Variants in TPST2 observed in about 807,000 individuals in gnomAD.
TPST2 encodes tyrosylprotein sulfotransferase 2.
A neutral mutation model predicts 27.8 loss-of-function variants in TPST2; 16 were observed. The observed-to-expected ratio is 0.58, with a 90% CI of 0.39 to 0.88. The LOEUF is 0.88. TPST2 is among the 40% of genes least tolerant of loss of function. The pLI is 0.00. For synonymous variants in TPST2, 229 were observed against 231.7 expected, an observed-to-expected ratio of 0.99 and a Z score of 0.10; for missense variants, 464 against 543.1, an observed-to-expected ratio of 0.85 and a Z score of 1.45.
chr22:26,565,545 G>A (rs1220671628), intron 1 of TPST2: 1 of 152,250 alleles, frequency 6.6e-6, no homozygotes, highest in Admixed American at 6.5e-5. Flanking sequence ...CCTGTGGCCA[G>A]ACTTGCCCTG....
At position 26,562,686 on chromosome 22, in the gene TPST2, C is replaced by T. The variant is rs1406748735; in HGVS notation, c.-160-18011G>A. ...TCACCCAGGCTGGAGTGCAATGGAG[C>T]GATCTCAGCTCACTGCAACCTCCGC... On this transcript the variant is annotated intron_variant, in intron 1 of 6. Coordinates refer to ENST00000338754, the MANE Select transcript of TPST2 (RefSeq NM_003595.5). Among the ~76,000 whole-genome samples the T allele has an allele frequency of 3.3e-5, 5 of 150,846 alleles. 1 individual carries two copies. Among genetic ancestry groups the T allele is most frequent in the East Asian group, 2.0e-4 (1 of 5,128 alleles).
chr22:26,564,470 G>A (rs1277904599), intron 1 of TPST2, among the ~76,000 whole-genome samples: 1 of 152,182 alleles, frequency 6.6e-6, no homozygotes, highest in Non-Finnish European at 1.5e-5. Context: ...AACAGGTAAC[G>A]CCGGAGGGCC....
intron 1 of TPST2, among the ~76,000 whole-genome samples, chr22:26,562,925 T>C (rs1431778886): frequency 6.6e-6 from 1 of 152,092 alleles, no homozygotes; most frequent in African/African-American, 2.4e-5. Flanking sequence ...CAGGGAACCA[T>C]CGGTAATGTC....
Position 26,541,108 on chromosome 22 carries a change from T to C in TPST2, c.523A>G (p.Asn175Asp). 1 of 1,607,196 alleles carries C rather than the reference T, an allele frequency of 6.2e-7. No individual in the cohort carries two copies. Residue 175 changes from asparagine (N) to aspartate (D), a missense_variant, in exon 3 of 7, where the codon AAC (asparagine) becomes GAC (aspartate). By Grantham distance (23) the Asn-to-Asp change is conservative. Coordinates refer to ENST00000338754, the MANE Select transcript of TPST2 (RefSeq NM_003595.5). This position sits in a 1 kb window ranked among gnomAD's most constrained non-coding sequence, Gnocchi z 5.9. ...CGCACCATCAGCAGGAACTTGGAGTTGGGGAACAGGCGCGACAGGTAGACC... is the reference window on the plus strand; with the variant it reads ...CGCACCATCAGCAGGAACTTGGAGTCGGGGAACAGGCGCGACAGGTAGACC... ...SSVYLSRLFP[N>D]SKFLLMVRDG...
chr22:26,554,798 C>T (rs924231362), intron 1 of TPST2, among the ~76,000 whole-genome samples: 7 of 152,148 alleles, frequency 4.6e-5, no homozygotes, highest in Admixed American at 2.6e-4. Flanking sequence ...ATTAGCCAGG[C>T]GTGGTGGTGA....
intron 1 of TPST2, chr22:26,560,377 A>G (rs901610046): frequency 8.6e-6 from 5 of 578,232 alleles, no homozygotes; most frequent in African/African-American, 7.5e-5. Context: ...AATGAGAATC[A>G]TATTGCAGCA....
At chr22:26,563,240 C>T (rs1289236067) in intron 1 of TPST2, among the ~76,000 whole-genome samples, 7 of 152,158 alleles carry the variant, frequency 4.6e-5, no homozygotes, top group Non-Finnish European at 2.9e-5. Flanking sequence ...CAAGACAAAG[C>T]CCCAGCCTCC....
At position 26,541,440 on chromosome 22, in the gene TPST2, T is replaced by C. The variant is rs1253887952; in HGVS notation, c.191A>G (p.Tyr64Cys). ...MVGTNHVEYR[Y>C]GKAMPLIFVG... ...GAAGATGAGCGGCATGGCCTTGCCA[T>C]AGCGGTATTCCACGTGGTTGGTGCC... Residue 64 changes from tyrosine (Y) to cysteine (C), a missense_variant, in exon 3 of 7, where the codon TAT (tyrosine) becomes TGT (cysteine). Tyr to Cys is a radical substitution (Grantham distance 194, BLOSUM62 -2). Transcript: ENST00000338754. This position sits in a 1 kb window ranked among gnomAD's most constrained non-coding sequence, Gnocchi z 5.9. The C allele has an allele frequency of 1.9e-6, 3 of 1,599,630 alleles. No homozygotes were observed. The highest frequency in any genetic ancestry group is 2.6e-6 in the Non-Finnish European group (3 of 1,172,934).
intron 1 of TPST2, among the ~76,000 whole-genome samples, chr22:26,581,440 T>C (rs1928109789): frequency 6.6e-6 from 1 of 152,070 alleles, no homozygotes; most frequent in Admixed American, 6.5e-5. Flanking sequence ...GAAGGATGGA[T>C]TGAGAAAGAA....
intron 1 of TPST2, among the ~76,000 whole-genome samples, chr22:26,547,111 G>T (rs770704241): frequency 5.3e-5 from 8 of 151,982 alleles, no homozygotes; most frequent in Non-Finnish European, 8.8e-5. Flanking sequence ...GTTGAGATGG[G>T]GTCTCACTCT....
intron 1 of TPST2, among the ~76,000 whole-genome samples, chr22:26,557,042 T>A (rs1004128836): frequency 6.6e-6 from 1 of 152,232 alleles, no homozygotes; most frequent in African/African-American, 2.4e-5. Flanking sequence ...GCTATCAACA[T>A]AGCAAGCCCC....
chr22:26,539,875 C>T (rs1357022345), intron 3 of TPST2, among the ~76,000 whole-genome samples: 2 of 152,226 alleles, frequency 1.3e-5, no homozygotes, highest in Non-Finnish European at 2.9e-5. Context: ...AACTTCTCCT[C>T]TGTGAGATTC....
chr22:26,565,405 C>T lies in TPST2; in HGVS notation c.-160-20730G>A, dbSNP rs1459377830. On this transcript the variant is annotated intron_variant, in intron 1 of 6. Transcript: ENST00000338754. Reference sequence around the variant, plus strand: ...CAGCCTTGCGATGGGCCTGCCTCTCCTAAAGGCTCCTCCCTCTTCTGGATC... The same window carrying T: ...CAGCCTTGCGATGGGCCTGCCTCTCTTAAAGGCTCCTCCCTCTTCTGGATC... 6 of 152,458 alleles carry T rather than the reference C, an allele frequency of 3.9e-5. No homozygotes were observed. In the East Asian group the frequency reaches 7.7e-4, roughly 20 times the overall value. The allele number at this position is 152,458 out of a possible 1,614,324, so 9.4% of individuals were successfully genotyped here. A position where few individuals can be genotyped will look rare whatever the true frequency, so the allele number is the denominator to read the frequency against.
intron 1 of TPST2, among the ~76,000 whole-genome samples, chr22:26,573,723 C>T (rs1927722428): frequency 6.6e-6 from 1 of 152,072 alleles, no homozygotes; most frequent in East Asian, 1.9e-4. Context: ...AGCATGAGGC[C>T]TTCGTCCTGG....
At chr22:26,556,731 C>T (rs905053123) in intron 1 of TPST2, among the ~76,000 whole-genome samples, 9 of 152,152 alleles carry the variant, frequency 5.9e-5, no homozygotes, top group African/African-American at 1.4e-4. Flanking sequence ...CATCTGGCTC[C>T]GTTATGGACA....
Position 26,541,078 on chromosome 22 carries a change from CGTCCCGCACCATCAGCAG to C in TPST2, c.535_552del (p.Leu179_Asp184del). On this transcript the variant is annotated inframe_deletion, in exon 3 of 7. Coordinates refer to ENST00000338754, the MANE Select transcript of TPST2 (RefSeq NM_003595.5). This position sits in a 1 kb window ranked among gnomAD's most constrained non-coding sequence, Gnocchi z 5.9. ...ATCATGGAGTGCACGGAGGCCCGGC[CGTCCCGCACCATCAGCAG>C]GAACTTGGAGTTGGGGAACAGGCGC... is the stretch of plus-strand genomic sequence containing the variant. 6.2e-7 allele frequency: 1 copy of C among 1,608,592 alleles called. No individual in the cohort carries two copies. Among genetic ancestry groups the C allele is most frequent in the Non-Finnish European group, 8.5e-7 (1 of 1,175,878 alleles).
At chr22:26,532,037 G>A (rs979724312) in intron 5 of TPST2, among the ~76,000 whole-genome samples, 8 of 152,196 alleles carry the variant, frequency 5.3e-5, no homozygotes, top group Non-Finnish European at 1.0e-4. Flanking sequence ...GAGGGGCTGA[G>A]GTGAGAGGAT....
At chr22:26,579,346 A>T (rs1473368346) in intron 1 of TPST2, among the ~76,000 whole-genome samples, 1 of 152,154 alleles carries the variant, frequency 6.6e-6, no homozygotes, top group African/African-American at 2.4e-5. Flanking sequence ...CAGTACCCCA[A>T]ACCAAATCAA....
chr22:26,528,089 G>A (rs1924938029), intron 6 of TPST2, 125 bp downstream of exon 6: 1 of 1,124,694 alleles, frequency 8.9e-7, no homozygotes, highest in Non-Finnish European at 1.3e-6. Context: ...GGCTGGGTCA[G>A]CCCACCCTAG....
Sources: gnomAD v4.1 joint callset for allele counts (sites outside exome capture counted in the v4.1 genomes callset) on GRCh38, gnomAD v4.1.1 for gene constraint, Gnocchi (gnomAD v3.1) non-coding constraint, MANE v1.5 for transcripts, NCBI Gene and HGNC (gene_info 2026-07-23, HGNC 2026-07-21) for gene names.